Variants in SPAG16 observed in about 807,000 individuals in gnomAD.
The protein encoded by SPAG16 is sperm-associated antigen 16 protein.
SPAG16 carries 86 observed loss-of-function variants against 80.4 expected under a neutral mutation model. That is an observed-to-expected ratio of 1.07 (90% confidence interval 0.90 to 1.28). The LOEUF (loss-of-function observed/expected upper bound fraction) is 1.28, where lower values mean the gene tolerates loss of function less well. Among genes scored for constraint, SPAG16 ranks in the 50% most tolerant of loss-of-function variants. The pLI is 0.00. For synonymous variants in SPAG16, 294 were observed against 265.9 expected (o/e 1.11, Z -1.03); for missense variants, 870 against 765.3 (o/e 1.14, Z -1.61).
At chr2:213,288,471 AT>A (rs11459677) in intron 1 of SPAG16, among the ~76,000 whole-genome samples, 126 of 142,942 alleles carry the variant, frequency 8.8e-4, no homozygotes, top group South Asian at 1.6e-3. Flanking sequence ...CACCTGGCTA[AT>A]TTTTTTTTTT....
At chr2:213,337,373 T>G (rs1426943272) in intron 5 of SPAG16, among the ~76,000 whole-genome samples, 1 of 152,128 alleles carries the variant, frequency 6.6e-6, no homozygotes, top group Non-Finnish European at 1.5e-5. Context: ...GAGGCTGAGA[T>G]GGATGAATTG....
chr2:213,604,903 G>A (rs74454590), intron 10 of SPAG16, among the ~76,000 whole-genome samples: 4 of 148,920 alleles, frequency 2.7e-5, no homozygotes, highest in South Asian at 2.1e-4. Flanking sequence ...TTTTGTAAAC[G>A]TTTTTGTAAA....
intron 8 of SPAG16, among the ~76,000 whole-genome samples, chr2:213,367,321 G>A (rs1490811497): frequency 1.3e-5 from 2 of 151,844 alleles, no homozygotes; most frequent in Admixed American, 1.3e-4. Context: ...GGATCGCTGG[G>A]TCAAATGGTA....
intron 15 of SPAG16, among the ~76,000 whole-genome samples, chr2:214,283,205 T>A (rs1023041229): frequency 2.0e-5 from 3 of 152,166 alleles, no homozygotes; most frequent in Non-Finnish European, 4.4e-5. Flanking sequence ...AATTTGTTTA[T>A]CTTGCCTGCA....
rs564802853 is a variant in SPAG16, at chr2:213,829,966, G to T, written c.1071-32519G>T. Reference sequence around the variant, plus strand: ...TGGAGCTGTGAGCTGCACTGTCTGGGGTTGTAGGAGGGGTGGCACAAGGAC... The same window carrying T: ...TGGAGCTGTGAGCTGCACTGTCTGGTGTTGTAGGAGGGGTGGCACAAGGAC... On this transcript the variant is annotated intron_variant, in intron 10 of 15. Transcript: ENST00000331683. Among the ~76,000 whole-genome samples the T allele has an allele frequency of 3.3e-5, 5 of 152,226 alleles. No individual in the cohort carries two copies. The East Asian group carries it at 9.6e-4, about 29-fold the overall frequency.
At chr2:214,315,366 T>C (rs2125984910) in intron 15 of SPAG16, among the ~76,000 whole-genome samples, 1 of 152,304 alleles carries the variant, frequency 6.6e-6, no homozygotes, top group Admixed American at 6.5e-5. Flanking sequence ...CCATTTATAA[T>C]ATTTAAAAGG....
chr2:213,429,387 A>G (rs992808805), intron 9 of SPAG16, among the ~76,000 whole-genome samples: 1 of 152,112 alleles, frequency 6.6e-6, no homozygotes, highest in African/African-American at 2.4e-5. Context: ...GCTGGACCAC[A>G]GGACCCAGAT....
At chr2:213,369,049 G>A (rs114668915) in intron 8 of SPAG16, among the ~76,000 whole-genome samples, 2,254 of 152,180 alleles carry the variant, frequency 0.015, 28 homozygotes, top group South Asian at 0.038. Context: ...AAATACTGGA[G>A]GCTAGAAACA....
chr2:213,309,932 C>A, intron 3 of SPAG16, 127 bp from the exon 4 acceptor site: 2 of 589,748 alleles, frequency 3.4e-6, no homozygotes, highest in African/African-American at 1.9e-5. Context: ...TGGTTCCTGG[C>A]ATATAACAGT....
At chr2:213,963,927 G>A (rs572814987) in intron 12 of SPAG16, among the ~76,000 whole-genome samples, 1 of 152,164 alleles carries the variant, frequency 6.6e-6, no homozygotes, top group East Asian at 1.9e-4. Context: ...AATCTAAAGT[G>A]TGTATTCGAC....
At chr2:213,476,364 A>G (rs960071526) in intron 9 of SPAG16, among the ~76,000 whole-genome samples, 1 of 152,176 alleles carries the variant, frequency 6.6e-6, no homozygotes, top group African/African-American at 2.4e-5. Flanking sequence ...CTGATCCCAC[A>G]TGACAGCTAG....
chr2:213,700,122 C>T (rs1318860726), intron 10 of SPAG16, among the ~76,000 whole-genome samples: 1 of 151,864 alleles, frequency 6.6e-6, no homozygotes, highest in Non-Finnish European at 1.5e-5. Flanking sequence ...TGTAATACAT[C>T]AATGTCTATA....
intron 10 of SPAG16, among the ~76,000 whole-genome samples, chr2:213,613,490 G>C (rs1046595236): frequency 9.2e-5 from 14 of 152,106 alleles, no homozygotes; most frequent in African/African-American, 3.1e-4. Flanking sequence ...CTTTGCACTT[G>C]CCATTCCTGC....
chr2:214,401,859 T>C (rs1404354378), intron 15 of SPAG16, among the ~76,000 whole-genome samples: 1 of 152,010 alleles, frequency 6.6e-6, no homozygotes, highest in African/African-American at 2.4e-5. Flanking sequence ...TGCTAGTGTA[T>C]GTGTTACGTG....
At chr2:213,567,376 TC>T (rs2059809715) in intron 10 of SPAG16, among the ~76,000 whole-genome samples, 1 of 91,554 alleles carries the variant, frequency 1.1e-5, no homozygotes, top group Non-Finnish European at 2.1e-5. Context: ...ATGCTATCCC[TC>T]CCCCCTCCCC....
intron 10 of SPAG16, among the ~76,000 whole-genome samples, chr2:213,598,168 G>T (rs1318444827): frequency 6.6e-6 from 1 of 152,020 alleles, no homozygotes; most frequent in East Asian, 1.9e-4. Context: ...CCATTAAGTG[G>T]TTGGAGTAAT....
rs1488258085 is a variant in SPAG16 at position 213,574,650 on chromosome 2, C to CATATATATGATATATGAT, written c.1070+84601_1070+84618dup. Among the ~76,000 whole-genome samples the CATATATATGATATATGAT allele has an allele frequency of 8.8e-3, 1,265 of 143,450 alleles. 74 individuals are homozygous for CATATATATGATATATGAT. The East Asian group carries it at 0.13, about 15-fold the overall frequency. The allele number at this position is 143,450 out of a possible 152,430, so 94.1% of individuals were successfully genotyped here. ...CTCCTTACGATCACCAGATATATAT[C>CATATATATGATATATGAT]ATATATATGATATATGATATATATA... On this transcript the variant is annotated intron_variant, in intron 10 of 15. Coordinates refer to ENST00000331683, the MANE Select transcript of SPAG16 (RefSeq NM_024532.5).
At chr2:214,072,429 C>G (rs1419415270) in intron 13 of SPAG16, among the ~76,000 whole-genome samples, 1 of 152,054 alleles carries the variant, frequency 6.6e-6, no homozygotes, top group Non-Finnish European at 1.5e-5. Context: ...TCATACCACT[C>G]CTACACCCCG....
In SPAG16 at chr2:213,850,274, C is replaced by A. The variant is rs78657029; in HGVS notation, c.1071-12211C>A. On this transcript the variant is annotated intron_variant, in intron 10 of 15. Transcript: ENST00000331683. ...TCGGAAAACTAGAAAGATGTGATACCTTTCTTTATAAGGGTCAGGACCAGC... is the reference window on the plus strand; with the variant it reads ...TCGGAAAACTAGAAAGATGTGATACATTTCTTTATAAGGGTCAGGACCAGC... Among the ~76,000 whole-genome samples, 810 of 152,262 alleles carry A rather than the reference C, an allele frequency of 5.3e-3. 13 individuals are homozygous for A. Among genetic ancestry groups the A allele is most frequent in the East Asian group, 0.04 (210 of 5,186 alleles).
Sources: gnomAD v4.1 joint callset for allele counts (sites outside exome capture counted in the v4.1 genomes callset) on GRCh38, gnomAD v4.1.1 for gene constraint, MANE v1.5 for transcripts, NCBI Gene and HGNC (gene_info 2026-07-23, HGNC 2026-07-21) for gene names.